EYA1: variants seen among roughly 807,000 people sequenced by gnomAD.
The protein encoded by EYA1 is protein phosphatase EYA1.
In EYA1, 16 loss-of-function variants were observed where a neutral mutation model predicts 82.0. That is an observed-to-expected ratio of 0.20 (90% CI 0.13 to 0.30). The LOEUF (loss-of-function observed/expected upper bound fraction) is 0.30, where lower values mean the gene tolerates loss of function less well. Among genes scored for constraint, EYA1 ranks in the 10% least tolerant of loss-of-function variants. The probability of loss-of-function intolerance (pLI) is 1.00; values close to 1 mark genes in which losing one functional copy is unlikely to be tolerated. For missense variants in EYA1, 633 were observed against 730.7 expected (o/e 0.87, Z 1.54); for synonymous variants, 261 against 264.4 (o/e 0.99, Z 0.12).
At chr8:71,362,138 T>C (rs1827449642), upstream of EYA1, 3 of 911,024 alleles carry the variant, frequency 3.3e-6, no homozygotes, top group South Asian at 1.5e-4. Flanking sequence ...GGTCTGCCCA[T>C]GGAGCCTCGG....
At position 71,312,818 on chromosome 8, in the gene EYA1, T is replaced by TA. The variant is rs1278601033; in HGVS notation, c.556+4733dup. Among the ~76,000 whole-genome samples, 3 of 152,358 alleles carry TA rather than the reference T, an allele frequency of 2.0e-5. No homozygotes were observed. The East Asian group carries it at 5.8e-4, about 29-fold the overall frequency. ...AATAACTAGGTTAGTCCTTGGCATA[T>TA]AAAAAGTAAACAATAAATGTCAACT... On this transcript the variant is annotated intron_variant, in intron 7 of 17. Coordinates refer to ENST00000340726, the MANE Select transcript of EYA1 (RefSeq NM_000503.6).
chr8:71,305,884 GCA>G (rs1424953643), intron 7 of EYA1, among the ~76,000 whole-genome samples: 1 of 151,700 alleles, frequency 6.6e-6, no homozygotes, highest in African/African-American at 2.4e-5. Flanking sequence ...ACACGCATAC[GCA>G]CACACACACA....
chr8:71,274,337 T>G (rs902160102), intron 9 of EYA1, among the ~76,000 whole-genome samples: 1 of 152,206 alleles, frequency 6.6e-6, no homozygotes, highest in African/African-American at 2.4e-5. Flanking sequence ...ATGCTTCTAT[T>G]CTCTTAACCA....
At chr8:71,510,594 C>A (rs1046270186) in intron 2 of EYA1, among the ~76,000 whole-genome samples, 1 of 152,304 alleles carries the variant, frequency 6.6e-6, no homozygotes, top group Non-Finnish European at 1.5e-5. Flanking sequence ...ACCAACAGAT[C>A]TGGTGAGAAT....
At chr8:71,240,477 C>CG (rs1490905235) in intron 12 of EYA1, among the ~76,000 whole-genome samples, 1 of 152,082 alleles carries the variant, frequency 6.6e-6, no homozygotes, top group Non-Finnish European at 1.5e-5. Flanking sequence ...TTGCTACTAA[C>CG]GGGGTGAGCG....
chr8:71,478,886 A>G (rs1809880452), intron 2 of EYA1, among the ~76,000 whole-genome samples: 1 of 152,166 alleles, frequency 6.6e-6, no homozygotes, highest in Admixed American at 6.5e-5. Context: ...CATCCATTCA[A>G]CAAATATTTA....
In EYA1 at chr8:71,220,667, C is replaced by T. The variant is rs115299828; in HGVS notation, c.1141-3644G>A. Among the ~76,000 whole-genome samples, 799 of 152,186 alleles carry T rather than the reference C, an allele frequency of 5.3e-3. 7 individuals carry two copies. The highest frequency in any genetic ancestry group is 0.018 in the African/African-American group (760 of 41,514). ...AACTAACATTCTAGTTAGTCACAAA[C>T]GAGAAAATATGTAAAATGTACATAT... On this transcript the variant is annotated intron_variant, in intron 12 of 17. Transcript: ENST00000340726.
intron 11 of EYA1, among the ~76,000 whole-genome samples, chr8:71,252,156 T>C (rs963207284): frequency 6.6e-6 from 1 of 152,006 alleles, no homozygotes; most frequent in Non-Finnish European, 1.5e-5. Context: ...AATGGACTTT[T>C]TAGTAGGCAC....
At chr8:71,436,360 TTGTCTGATG>T (rs1403189443) in intron 2 of EYA1, among the ~76,000 whole-genome samples, 2 of 152,162 alleles carry the variant, frequency 1.3e-5, no homozygotes, top group Admixed American at 6.5e-5. Flanking sequence ...CATTATTTAC[TTGTCTGATG>T]TATATATGGT....
At chr8:71,267,601 C>T (rs527834343) in intron 11 of EYA1, among the ~76,000 whole-genome samples, 8 of 152,242 alleles carry the variant, frequency 5.3e-5, no homozygotes, top group Admixed American at 1.3e-4. Context: ...CAGGCTGGAG[C>T]ACAGTGGCGC....
At chr8:71,430,236 A>G (rs892684237) in intron 2 of EYA1, among the ~76,000 whole-genome samples, 5 of 152,200 alleles carry the variant, frequency 3.3e-5, no homozygotes, top group Non-Finnish European at 7.3e-5. Flanking sequence ...GTAATATCTC[A>G]TTTGATCTTT....
At chr8:71,373,976 C>T (rs1028530125) in intron 2 of EYA1, among the ~76,000 whole-genome samples, 1 of 152,006 alleles carries the variant, frequency 6.6e-6, no homozygotes, top group African/African-American at 2.4e-5. Context: ...AGACCAGACA[C>T]AAAAGCAACT....
intron 4 of EYA1, among the ~76,000 whole-genome samples, chr8:71,322,925 C>A (rs1822745232): frequency 6.7e-6 from 1 of 148,774 alleles, no homozygotes; most frequent in African/African-American, 2.5e-5. Flanking sequence ...CAATGTTCAA[C>A]TAAAAAAAGG....
chr8:71,506,915 A>G (rs1812233540), intron 2 of EYA1, among the ~76,000 whole-genome samples: 1 of 136,378 alleles, frequency 7.3e-6, no homozygotes, highest in Non-Finnish European at 1.6e-5. Context: ...ACTAGATTAT[A>G]TATAAAGGGC....
At chr8:71,215,325 T>G in intron 16 of EYA1, 62 bp downstream of exon 16, 1 of 1,552,786 alleles carries the variant, frequency 6.4e-7, no homozygotes, top group Non-Finnish European at 8.9e-7. Context: ...TTTATTGCCT[T>G]TCGTTTTTAT....
At chr8:71,322,573 G>C (rs1006851204) in intron 4 of EYA1, 41 of 382,324 alleles carry the variant, frequency 1.1e-4, no homozygotes, top group African/African-American at 8.3e-4. Context: ...TACTTAAAGA[G>C]TACAAGGAGT....
At chr8:71,367,505 T>C (rs1287061428) in intron 2 of EYA1, among the ~76,000 whole-genome samples, 2 of 151,736 alleles carry the variant, frequency 1.3e-5, no homozygotes, top group Non-Finnish European at 2.9e-5. Context: ...AATTTTTTTC[T>C]TCCTTCAAGC....
intron 7 of EYA1, among the ~76,000 whole-genome samples, chr8:71,313,819 A>G (rs1001277451): frequency 6.6e-6 from 1 of 152,194 alleles, no homozygotes; most frequent in East Asian, 1.9e-4. Context: ...GCTGATCATC[A>G]TAAGTTTTCT....
chr8:71,306,683 C>T (rs10957545), intron 7 of EYA1, among the ~76,000 whole-genome samples: 69,813 of 151,912 alleles, frequency 0.46, 16,597 homozygotes, highest in East Asian at 0.7. Flanking sequence ...CCTCACTCCA[C>T]ATTTTCCATC....
Sources: allele counts gnomAD v4.1 joint callset (sites outside exome capture counted in the v4.1 genomes callset), GRCh38; gene constraint gnomAD v4.1.1; transcripts MANE v1.5; gene names NCBI Gene and HGNC (gene_info 2026-07-23, HGNC 2026-07-21).